Variants in LRRC74A observed in about 807,000 individuals in gnomAD.
LRRC74A encodes the protein leucine-rich repeat-containing protein 74A.
In LRRC74A, 44 loss-of-function variants were observed where a neutral mutation model predicts 57.9. The observed-to-expected ratio is 0.76, with a 90% confidence interval of 0.60 to 0.98. The LOEUF is 0.98. Ranked by LOEUF, LRRC74A falls within the 50% of genes least tolerant of loss-of-function variation. LRRC74A has a pLI of 0.00. For synonymous variants in LRRC74A, 211 were observed against 219.4 expected, an observed-to-expected ratio of 0.96 and a Z score of 0.34; for missense variants, 572 against 574.0, an observed-to-expected ratio of 1.00 and a Z score of 0.04.
chr14:76,860,577 C>G, intron 10 of LRRC74A, 116 bp from the exon 11 acceptor site: 2 of 1,050,156 alleles, frequency 1.9e-6, no homozygotes, highest in Non-Finnish European at 2.7e-6. Flanking sequence ...TGAGAACAAA[C>G]TGGAAGAGAC....
intron 7 of LRRC74A, among the ~76,000 whole-genome samples, chr14:76,849,363 G>A (rs576558712): frequency 6.6e-6 from 1 of 151,712 alleles, no homozygotes; most frequent in South Asian, 2.1e-4. Flanking sequence ...CACCATGTTG[G>A]CCAGGATGGT....
intron 10 of LRRC74A, among the ~76,000 whole-genome samples, chr14:76,859,217 T>C (rs1042535595): frequency 1.3e-5 from 2 of 152,264 alleles, no homozygotes; most frequent in African/African-American, 4.8e-5. Context: ...ACCCAGGCAC[T>C]GCCTTGGTGT....
chr14:76,828,221 A>G, intron 1 of LRRC74A, 70 bp from the exon 2 acceptor site: 2 of 1,526,796 alleles, frequency 1.3e-6, no homozygotes. Context: ...GAGGGGCGGC[A>G]GCGGCAGGCT....
chr14:76,826,876 G>A (rs930230680), intron 1 of LRRC74A, 142 bp downstream of exon 1: 56 of 496,388 alleles, frequency 1.1e-4, no homozygotes, highest in Non-Finnish European at 1.9e-4. Context: ...TACTGACTTG[G>A]GTTCAGGCCT....
chr14:76,856,288 C>T (rs1304343851), intron 9 of LRRC74A, among the ~76,000 whole-genome samples: 1 of 152,216 alleles, frequency 6.6e-6, no homozygotes, highest in African/African-American at 2.4e-5. Context: ...ATGTTCCCCT[C>T]CCCTATGCTG....
At chr14:76,866,652 G>A (rs554480862) in intron 12 of LRRC74A, among the ~76,000 whole-genome samples, 2 of 152,016 alleles carry the variant, frequency 1.3e-5, no homozygotes. Flanking sequence ...GGGGTGAAGA[G>A]GCTGGCCAGG....
At chr14:76,847,350 C>T (rs554921411) in intron 7 of LRRC74A, among the ~76,000 whole-genome samples, 2 of 152,260 alleles carry the variant, frequency 1.3e-5, no homozygotes, top group East Asian at 1.9e-4. Flanking sequence ...CCACGGAATA[C>T]TATGCAGTCA....
chr14:76,859,668 T>TA (rs1466975587), intron 10 of LRRC74A, among the ~76,000 whole-genome samples: 32 of 144,946 alleles, frequency 2.2e-4, no homozygotes, highest in African/African-American at 7.4e-4. Flanking sequence ...TAGCCTTTTT[T>TA]TTTTTTTTTT....
intron 7 of LRRC74A, among the ~76,000 whole-genome samples, chr14:76,850,844 CAAAAAAAAAA>C (rs36208311): frequency 7.6e-6 from 1 of 130,846 alleles, no homozygotes; most frequent in African/African-American, 2.7e-5. Flanking sequence ...AACTCTGTCT[CAAAAAAAAAA>C]AAAAAAAAAA....
chr14:76,867,288 G>T, intron 12 of LRRC74A, 68 bp from the exon 13 acceptor site: 10 of 487,174 alleles, frequency 2.1e-5, no homozygotes, highest in South Asian at 1.7e-4. Flanking sequence ...TAGTGTGTTT[G>T]GGGGGGTGTG....
intron 13 of LRRC74A, among the ~76,000 whole-genome samples, chr14:76,869,594 AC>A (rs937467175): frequency 2.0e-5 from 3 of 151,920 alleles, no homozygotes; most frequent in Admixed American, 6.6e-5. Flanking sequence ...TCTATTAAAA[AC>A]ACAAAACTTA....
chr14:76,866,352 C>T (rs985239151), intron 12 of LRRC74A, among the ~76,000 whole-genome samples: 4 of 152,178 alleles, frequency 2.6e-5, no homozygotes, highest in African/African-American at 9.7e-5. Context: ...TGAGGTTTTT[C>T]TCCCCATTGC....
At chr14:76,850,215 C>A (rs1679529803) in intron 7 of LRRC74A, among the ~76,000 whole-genome samples, 1 of 151,462 alleles carries the variant, frequency 6.6e-6, no homozygotes, top group Non-Finnish European at 1.5e-5. Context: ...CTCAAAAAAA[C>A]AAAACAAAAC....
chr14:76,843,323 A>C (rs1896908166), intron 5 of LRRC74A, among the ~76,000 whole-genome samples: 1 of 147,398 alleles, frequency 6.8e-6, no homozygotes, highest in Non-Finnish European at 1.5e-5. Context: ...AAAAAAAAAA[A>C]CTTGTTCAAT....
At position 76,860,775 on chromosome 14, in the gene LRRC74A, C is replaced by T. The variant is rs775024951; in HGVS notation, c.1136C>T (p.Ala379Val). The T allele has an allele frequency of 1.2e-6, 2 of 1,610,738 alleles. No homozygotes were observed. Among genetic ancestry groups the T allele is most frequent in the South Asian group, 1.1e-5 (1 of 90,806 alleles). ...VHPQLDVVFK[A>V]VQGLSPKKTI... ...CCGCAGCTGGACGTGGTATTCAAGG[C>T]AGTACAAGGCCTCTCTCCCAAGAAA... The change falls in exon 11 of 14, where the codon GCA (alanine) becomes GTA (valine). Residue 379 changes from alanine to valine, a missense_variant. By Grantham distance (64) the Ala-to-Val change is moderately conservative. Transcript: ENST00000689127.
At chr14:76,865,363 C>A (rs957030643) in intron 11 of LRRC74A, among the ~76,000 whole-genome samples, 4 of 152,102 alleles carry the variant, frequency 2.6e-5, no homozygotes, top group Non-Finnish European at 4.4e-5. Context: ...GTCCTGGAAC[C>A]AATCCCTTGC....
intron 3 of LRRC74A, among the ~76,000 whole-genome samples, chr14:76,832,009 T>C (rs1030359335): frequency 6.6e-6 from 1 of 152,220 alleles, no homozygotes; most frequent in African/African-American, 2.4e-5. Flanking sequence ...CATAGCACTG[T>C]TTGTCCACTT....
chr14:76,853,462 T>TGTGTGTGTGTGTGTGTG (rs61011979), intron 9 of LRRC74A, 52 bp downstream of exon 9: 1 of 1,426,060 alleles, frequency 7.0e-7, no homozygotes, highest in Non-Finnish European at 9.6e-7. Context: ...TGTGTGTGTG[T>TGTGTGTGTGTGTGTGTG]TTGTGTATGT....
chr14:76,868,044 C>T (rs769225027), intron 13 of LRRC74A, among the ~76,000 whole-genome samples: 1 of 152,226 alleles, frequency 6.6e-6, no homozygotes, highest in African/African-American at 2.4e-5. Flanking sequence ...AATAAGTCCC[C>T]GCCACATGCC....
Sources: gnomAD v4.1 joint callset for allele counts (sites outside exome capture counted in the v4.1 genomes callset) on GRCh38, gnomAD v4.1.1 for gene constraint, MANE v1.5 for transcripts, NCBI Gene and HGNC (gene_info 2026-07-23, HGNC 2026-07-21) for gene names.